The following APPBP2 variants were observed in gnomAD, a reference collection of about 807,000 sequenced individuals.
APPBP2 encodes amyloid beta precursor protein binding protein 2, also known as amyloid protein-binding protein 2.
Under a neutral mutation model 76.0 loss-of-function variants are expected in APPBP2, and 15 were observed. That is an observed-to-expected ratio of 0.20 (90% CI 0.13 to 0.30). The LOEUF (loss-of-function observed/expected upper bound fraction) is 0.30. APPBP2 is among the 10% of genes least tolerant of loss of function. The pLI, the probability that APPBP2 is intolerant of heterozygous loss-of-function variation, is 1.00. For synonymous variants in APPBP2, 222 were observed against 242.2 expected, an observed-to-expected ratio of 0.92 and a Z score of 0.77; for missense variants, 401 against 687.2, an observed-to-expected ratio of 0.58 and a Z score of 4.66.
chr17:60,477,181 G>T (rs1422687928), intron 4 of APPBP2, among the ~76,000 whole-genome samples: 2 of 152,132 alleles, frequency 1.3e-5, no homozygotes, highest in Non-Finnish European at 2.9e-5. Flanking sequence ...TGCTACAGAT[G>T]ACAAACTAGG....
chr17:60,452,053 A>G lies in APPBP2; in HGVS notation c.1339-8T>C. ...GTGCATTTCTTCAGCTTCCTGAAAA[A>G]CAATTATGCCATATCAATCATTATA... On this transcript the variant is annotated splice_region_variant and splice_polypyrimidine_tract_variant and intron_variant, in intron 11 of 12. Coordinates refer to ENST00000083182, the MANE Select transcript of APPBP2 (RefSeq NM_006380.5). The G allele has an allele frequency of 6.2e-7, 1 of 1,611,664 alleles. No individual in the cohort carries two copies. The highest frequency in any genetic ancestry group is 8.5e-7 in the Non-Finnish European group (1 of 1,179,364).
intron 3 of APPBP2, among the ~76,000 whole-genome samples, chr17:60,490,464 G>A (rs549521215): frequency 1.6e-4 from 25 of 152,254 alleles, no homozygotes; most frequent in African/African-American, 5.8e-4. Context: ...TTGAGCCCAG[G>A]AGTTCAAGAC....
chr17:60,504,190 A>G (rs961733546), intron 1 of APPBP2, among the ~76,000 whole-genome samples: 1 of 152,200 alleles, frequency 6.6e-6, no homozygotes, highest in Admixed American at 6.5e-5. Flanking sequence ...TTAAAGGGCT[A>G]TATCAACCAC....
intron 1 of APPBP2, among the ~76,000 whole-genome samples, chr17:60,508,054 C>A (rs2090882971): frequency 6.6e-6 from 1 of 151,830 alleles, no homozygotes. Context: ...CTCACTGCAG[C>A]CTCCGCTTCC....
chr17:60,466,274 T>C lies in APPBP2; in HGVS notation c.672+17A>G, dbSNP rs768312066. The C allele has an allele frequency of 5.6e-6, 9 of 1,606,782 alleles. No homozygotes were observed. The African/African-American group carries it at 6.7e-5, about 12-fold the overall frequency. On this transcript the variant is annotated intron_variant, in intron 5 of 12. Coordinates refer to ENST00000083182, the MANE Select transcript of APPBP2 (RefSeq NM_006380.5). ...GGTACTTATTGGTCACAGTGAAATGTACCTTAAAACACTTACCTCATCATA... is the reference window on the plus strand; with the variant it reads ...GGTACTTATTGGTCACAGTGAAATGCACCTTAAAACACTTACCTCATCATA...
At chr17:60,521,670 GTC>G (rs889349866) in intron 1 of APPBP2, among the ~76,000 whole-genome samples, 7 of 151,922 alleles carry the variant, frequency 4.6e-5, no homozygotes, top group Non-Finnish European at 1.0e-4. Context: ...TCCCACCTCT[GTC>G]TCCCTAAGAG....
chr17:60,474,842 T>C (rs2090577802), intron 4 of APPBP2, among the ~76,000 whole-genome samples: 1 of 152,204 alleles, frequency 6.6e-6, no homozygotes, highest in South Asian at 2.1e-4. Context: ...ACAATATTCA[T>C]TACCTACCAC....
At chr17:60,449,191 C>T (rs1015017645) in intron 12 of APPBP2, among the ~76,000 whole-genome samples, 1 of 152,170 alleles carries the variant, frequency 6.6e-6, no homozygotes, top group African/African-American at 2.4e-5. Flanking sequence ...TCTTAAACTA[C>T]ATGCACTTGA....
chr17:60,496,920 C>T (rs1468623879), intron 2 of APPBP2, among the ~76,000 whole-genome samples: 1 of 152,098 alleles, frequency 6.6e-6, no homozygotes, highest in Non-Finnish European at 1.5e-5. Context: ...AAGATTTCAG[C>T]ATGTTGGCCA....
At chr17:60,517,104 TAG>T (rs2143497518) in intron 1 of APPBP2, among the ~76,000 whole-genome samples, 1 of 152,284 alleles carries the variant, frequency 6.6e-6, no homozygotes, top group East Asian at 1.9e-4. Context: ...GACTCCCAAG[TAG>T]CTGGGATTAC....
Position 60,494,649 on chromosome 17 carries a change from GTTAAT to G in APPBP2, c.228-37_228-33del, listed in dbSNP as rs775732876. On this transcript the variant is annotated intron_variant, in intron 2 of 12. Coordinates refer to ENST00000083182, the MANE Select transcript of APPBP2 (RefSeq NM_006380.5). Reference sequence around the variant, plus strand: ...GAAAAGAAAAAGATTATTTTATAGAGTTAATTTATTTTTCTCCTTTTAGAAAGTGC... The same window carrying G: ...GAAAAGAAAAAGATTATTTTATAGAGTTATTTTTCTCCTTTTAGAAAGTGC... 5.9e-6 allele frequency: 9 copies of G among 1,534,884 alleles called. No homozygotes were observed. In the Admixed American group the frequency reaches 1.6e-4, roughly 28 times the overall value.
At chr17:60,449,601 C>A (rs1029455363) in intron 12 of APPBP2, among the ~76,000 whole-genome samples, 1 of 151,412 alleles carries the variant, frequency 6.6e-6, no homozygotes, top group African/African-American at 2.4e-5. Context: ...TGTCTCAAAA[C>A]AAAACAAAAC....
chr17:60,472,058 G>C (rs933699656), intron 4 of APPBP2, among the ~76,000 whole-genome samples: 1 of 152,090 alleles, frequency 6.6e-6, no homozygotes, highest in African/African-American at 2.4e-5. Flanking sequence ...CCTGGGAGGC[G>C]GAAGTTGCAG....
chr17:60,449,623 CT>C (rs1194749043), intron 12 of APPBP2, among the ~76,000 whole-genome samples: 1 of 151,582 alleles, frequency 6.6e-6, no homozygotes, highest in African/African-American at 2.4e-5. Context: ...AAAAAAAAGT[CT>C]TTTGAAGAAA....
At chr17:60,494,989 T>TG (rs1198004327) in intron 2 of APPBP2, among the ~76,000 whole-genome samples, 36 of 127,426 alleles carry the variant, frequency 2.8e-4, no homozygotes, top group Middle Eastern at 3.7e-3. Flanking sequence ...GTTTTGTTTT[T>TG]TTTTTTTTTT....
In APPBP2 at chr17:60,523,602, G is replaced by A. The variant is rs373273575; in HGVS notation, c.138+2192C>T. On this transcript the variant is annotated intron_variant, in intron 1 of 12. Coordinates refer to ENST00000083182, the MANE Select transcript of APPBP2 (RefSeq NM_006380.5). ...TCAGCTACTCAGTAGGCTGAGGCAG[G>A]AGGATAGCTTGAGCCCAGGAGTTCA... is the stretch of plus-strand genomic sequence containing the variant. Among the ~76,000 whole-genome samples the A allele has an allele frequency of 1.5e-3, 225 of 152,308 alleles. 1 individual carries two copies. The highest frequency in any genetic ancestry group is 4.9e-3 in the African/African-American group (204 of 41,564).
intron 8 of APPBP2, chr17:60,461,021 C>A (rs1321901460): frequency 2.4e-5 from 6 of 245,762 alleles, no homozygotes; most frequent in East Asian, 1.6e-4. Flanking sequence ...TAATAATAAT[C>A]ATTCCTATGT....
chr17:60,482,681 T>C (rs1486453451), intron 3 of APPBP2, among the ~76,000 whole-genome samples: 1 of 152,110 alleles, frequency 6.6e-6, no homozygotes, highest in Non-Finnish European at 1.5e-5. Context: ...GAACATGTGG[T>C]ATTTGGTTTT....
At chr17:60,507,329 C>T (rs966762213) in intron 1 of APPBP2, among the ~76,000 whole-genome samples, 7 of 151,550 alleles carry the variant, frequency 4.6e-5, no homozygotes, top group Admixed American at 4.6e-4. Flanking sequence ...TCAAGTGGTT[C>T]TCGTGCCTCA....
Sources: allele counts gnomAD v4.1 joint callset (sites outside exome capture counted in the v4.1 genomes callset), GRCh38; gene constraint gnomAD v4.1.1; transcripts MANE v1.5; gene names NCBI Gene and HGNC (gene_info 2026-07-23, HGNC 2026-07-21).